Variants in CPED1 observed in about 807,000 individuals in gnomAD.
CPED1 encodes the protein cadherin-like and PC-esterase domain-containing protein 1.
A neutral mutation model predicts 128.2 loss-of-function variants in CPED1; 114 were observed. The ratio of observed to expected loss-of-function variants is 0.89; its 90% CI spans 0.76 to 1.04. CPED1 has a LOEUF of 1.04. Among genes scored for constraint, CPED1 ranks in the 50% least tolerant of loss-of-function variants. The pLI is 0.00. For synonymous variants in CPED1, 462 were observed against 426.7 expected (o/e 1.08, Z -1.02); for missense variants, 1,211 against 1,207.1 (o/e 1.00, Z -0.05).
rs372029098 is a variant in CPED1 at position 121,081,421 on chromosome 7, T to A, written c.617-16278T>A. On this transcript the variant is annotated intron_variant, in intron 5 of 22. Transcript: ENST00000310396. Reference sequence around the variant, plus strand: ...TGTGCTCCTTTCTGGGAGAGAAGCATGAACTCTATTATATAGAAAACCCCA... The same window carrying A: ...TGTGCTCCTTTCTGGGAGAGAAGCAAGAACTCTATTATATAGAAAACCCCA... Among the ~76,000 whole-genome samples the A allele has an allele frequency of 3.0e-4, 46 of 152,288 alleles. 1 individual carries two copies. Among genetic ancestry groups the A allele is most frequent in the African/African-American group, 1.1e-3 (46 of 41,570 alleles).
At chr7:121,234,027 T>C (rs991907005) in intron 16 of CPED1, among the ~76,000 whole-genome samples, 7 of 152,228 alleles carry the variant, frequency 4.6e-5, no homozygotes, top group African/African-American at 1.7e-4. Flanking sequence ...GGAAAACTTT[T>C]CTAGAACTCC....
intron 13 of CPED1, among the ~76,000 whole-genome samples, chr7:121,134,778 TCA>T (rs1411843527): frequency 6.6e-6 from 1 of 152,040 alleles, no homozygotes; most frequent in Non-Finnish European, 1.5e-5. Context: ...ATCAGTATTC[TCA>T]TAGTGCTGGT....
At chr7:121,230,802 A>T (rs1424011989) in intron 16 of CPED1, among the ~76,000 whole-genome samples, 4 of 151,828 alleles carry the variant, frequency 2.6e-5, no homozygotes, top group Non-Finnish European at 5.9e-5. Flanking sequence ...GTCAGTGGCC[A>T]CTCTTGGCTG....
chr7:121,281,368 G>A (rs1303370628), intron 22 of CPED1, among the ~76,000 whole-genome samples: 1 of 152,130 alleles, frequency 6.6e-6, no homozygotes, highest in Non-Finnish European at 1.5e-5. Flanking sequence ...GCAATGTTAA[G>A]TTTGGTTTCA....
chr7:121,008,579 T>C (rs1320462990), intron 2 of CPED1, among the ~76,000 whole-genome samples: 1 of 149,258 alleles, frequency 6.7e-6, no homozygotes, highest in Non-Finnish European at 1.5e-5. Flanking sequence ...TTAGTTATAA[T>C]AGACTTACTT....
intron 16 of CPED1, among the ~76,000 whole-genome samples, chr7:121,216,159 G>C (rs962735822): frequency 1.3e-5 from 2 of 152,020 alleles, no homozygotes; most frequent in Admixed American, 1.3e-4. Flanking sequence ...CTACGTTACA[G>C]TGATTTAAAT....
intron 16 of CPED1, among the ~76,000 whole-genome samples, chr7:121,232,469 C>T (rs747419032): frequency 3.3e-5 from 5 of 152,018 alleles, no homozygotes; most frequent in Admixed American, 6.6e-5. Context: ...AGTAAGTGTT[C>T]GGGCTCAAGA....
chr7:121,010,899 T>G (rs1181099948), intron 2 of CPED1, among the ~76,000 whole-genome samples: 1 of 152,186 alleles, frequency 6.6e-6, no homozygotes, highest in Non-Finnish European at 1.5e-5. Context: ...AAATAGAAAA[T>G]GTATATGATA....
In CPED1 at chr7:121,267,240, A is replaced by G; in HGVS notation, c.2659A>G (p.Ile887Val). Residue 887 changes from isoleucine (I) to valine (V), a missense_variant, in exon 21 of 23, where the codon ATC becomes GTC. By Grantham distance (29) the Ile-to-Val change is conservative. Coordinates refer to ENST00000310396, the MANE Select transcript of CPED1 (RefSeq NM_024913.5). Reference sequence around the variant, plus strand: ...GGAAAATTTACTCAATATCCTAGTGATCATCAAAACTTTGGGAATTGGATT... The same window carrying G: ...GGAAAATTTACTCAATATCCTAGTGGTCATCAAAACTTTGGGAATTGGATT... ...KRENLLNILV[I>V]IKTLGIGFHL... The G allele has an allele frequency of 3.1e-6, 5 of 1,600,026 alleles. No individual in the cohort carries two copies. The highest frequency in any genetic ancestry group is 2.2e-5 in the South Asian group (2 of 90,048).
chr7:121,271,377 A>G lies in CPED1; in HGVS notation c.2815A>G (p.Met939Val). The change falls in exon 22 of 23, where the codon ATG (methionine) becomes GTG (valine). Residue 939 changes from methionine to valine, a missense_variant. Physicochemically the swap from Met to Val is conservative, Grantham distance 21. Coordinates refer to ENST00000310396, the MANE Select transcript of CPED1 (RefSeq NM_024913.5). The part of the protein sequence containing the change: ...YEVVDTFTIT[M>V]GRYKEFLQGK... ...AGTAGTTGACACATTCACTATAACA[A>G]TGGGGCGTTACAAAGAGTTTCTACA... is the stretch of plus-strand genomic sequence containing the variant. 1 of 1,612,922 alleles carries G rather than the reference A, an allele frequency of 6.2e-7. No homozygotes were observed. The highest frequency in any genetic ancestry group is 8.5e-7 in the Non-Finnish European group (1 of 1,179,176).
intron 16 of CPED1, chr7:121,149,494 C>A (rs1796101946): frequency 1.3e-5 from 2 of 152,258 alleles, no homozygotes; most frequent in African/African-American, 4.8e-5. Context: ...ACTTTTGCTC[C>A]ACACATTTGT....
intron 4 of CPED1, among the ~76,000 whole-genome samples, chr7:121,050,095 A>C (rs1013950321): frequency 3.9e-5 from 6 of 152,316 alleles, no homozygotes; most frequent in Non-Finnish European, 8.8e-5. Context: ...TGTTGGTTAT[A>C]AGTGGAATCA....
chr7:121,154,947 T>G (rs940733947), intron 16 of CPED1, among the ~76,000 whole-genome samples: 2 of 152,204 alleles, frequency 1.3e-5, no homozygotes, highest in Non-Finnish European at 2.9e-5. Context: ...TGTTCACAGA[T>G]GACATGATCT....
intron 22 of CPED1, among the ~76,000 whole-genome samples, chr7:121,288,552 C>T (rs1260106957): frequency 6.6e-6 from 1 of 152,144 alleles, no homozygotes; most frequent in Non-Finnish European, 1.5e-5. Context: ...AAATGGAAGC[C>T]GTACGCTTCA....
At chr7:121,113,299 CAAAG>C (rs1298057008) in intron 7 of CPED1, among the ~76,000 whole-genome samples, 2 of 152,120 alleles carry the variant, frequency 1.3e-5, no homozygotes, top group Admixed American at 6.6e-5. Context: ...TTCTTGCTCT[CAAAG>C]AACCCTCCAG....
At chr7:120,993,176 C>T (rs929311055) in intron 2 of CPED1, among the ~76,000 whole-genome samples, 6 of 152,158 alleles carry the variant, frequency 3.9e-5, no homozygotes, top group African/African-American at 1.4e-4. Context: ...TTGTCTTCAT[C>T]AAAGTAGGTC....
At chr7:121,106,494 T>TG (rs1794978506) in intron 7 of CPED1, among the ~76,000 whole-genome samples, 1 of 152,028 alleles carries the variant, frequency 6.6e-6, no homozygotes, top group Non-Finnish European at 1.5e-5. Context: ...TCCAGAAAAA[T>TG]GGAGGTAAGC....
chr7:121,092,268 A>G (rs1215121554), intron 5 of CPED1, among the ~76,000 whole-genome samples: 2 of 152,160 alleles, frequency 1.3e-5, no homozygotes, highest in African/African-American at 4.8e-5. Flanking sequence ...CACCCATGTT[A>G]TACACATTTC....
intron 7 of CPED1, among the ~76,000 whole-genome samples, chr7:121,102,746 G>A (rs879778058): frequency 6.6e-5 from 10 of 152,066 alleles, no homozygotes; most frequent in Non-Finnish European, 1.2e-4. Flanking sequence ...AGAGTTAGGA[G>A]GAAAACGAAA....
Sources: allele counts gnomAD v4.1 joint callset (sites outside exome capture counted in the v4.1 genomes callset), GRCh38; gene constraint gnomAD v4.1.1; transcripts MANE v1.5; gene names NCBI Gene and HGNC (gene_info 2026-07-23, HGNC 2026-07-21).